CSMD1: variants seen among roughly 807,000 people sequenced by gnomAD.
The protein encoded by CSMD1 is CUB and sushi domain-containing protein 1.
CSMD1 carries 213 observed loss-of-function variants against 417.5 expected under a neutral mutation model. The ratio of observed to expected loss-of-function variants is 0.51; its 90% CI spans 0.46 to 0.57. The LOEUF is 0.57. Among genes scored for constraint, CSMD1 ranks in the 20% least tolerant of loss-of-function variants. The pLI is 0.00. For synonymous variants in CSMD1, 2,862 were observed against 1,736.8 expected (o/e 1.65, Z -16.11); for missense variants, 6,923 against 4,529.7 (o/e 1.53, Z -15.17).
intron 5 of CSMD1, among the ~76,000 whole-genome samples, chr8:3,939,067 C>A (rs560543212): frequency 6.6e-6 from 1 of 151,984 alleles, no homozygotes; most frequent in African/African-American, 2.4e-5. Context: ...AACAGTCTGA[C>A]AGAATAAATA....
chr8:4,327,448 C>T (rs1039428961), intron 3 of CSMD1, among the ~76,000 whole-genome samples: 4 of 152,138 alleles, frequency 2.6e-5, no homozygotes, highest in Non-Finnish European at 5.9e-5. Flanking sequence ...TTGTTTGCAG[C>T]CTCCAGGTTG....
chr8:3,339,019 T>C (rs1807467426), intron 23 of CSMD1, among the ~76,000 whole-genome samples: 1 of 127,666 alleles, frequency 7.8e-6, no homozygotes, highest in South Asian at 2.5e-4. Flanking sequence ...CTGAGTGTGA[T>C]ATTCCCCTTC....
At chr8:3,305,543 C>T (rs894764613) in intron 25 of CSMD1, among the ~76,000 whole-genome samples, 1 of 151,006 alleles carries the variant, frequency 6.6e-6, no homozygotes, top group African/African-American at 2.4e-5. Context: ...AGCTTGGCCC[C>T]ATTTCCTCTC....
At chr8:4,153,695 A>C (rs1449460610) in intron 3 of CSMD1, among the ~76,000 whole-genome samples, 4 of 152,164 alleles carry the variant, frequency 2.6e-5, no homozygotes, top group Non-Finnish European at 5.9e-5. Flanking sequence ...GCTTCCATCA[A>C]TCCGGCAGTC....
intron 45 of CSMD1, chr8:3,107,189 C>T (rs1165775988): frequency 1.9e-5 from 3 of 154,768 alleles, no homozygotes; most frequent in Admixed American, 6.5e-5. Context: ...ACTGCTTTCT[C>T]AGTATGACCA....
At chr8:3,696,913 C>A (rs181181132) in intron 7 of CSMD1, among the ~76,000 whole-genome samples, 1 of 152,122 alleles carries the variant, frequency 6.6e-6, no homozygotes, top group South Asian at 2.1e-4. Context: ...AAAGAGAACA[C>A]TTTATCAGTC....
intron 5 of CSMD1, among the ~76,000 whole-genome samples, chr8:3,772,562 T>TATATATAC (rs1798666932): frequency 8.9e-6 from 1 of 112,466 alleles, no homozygotes. Context: ...CATATATACA[T>TATATATAC]ATATATACAT....
intron 1 of CSMD1, among the ~76,000 whole-genome samples, chr8:4,877,426 T>C (rs1467638372): frequency 2.0e-5 from 3 of 152,098 alleles, no homozygotes; most frequent in African/African-American, 2.4e-5. Context: ...ATATCAATTA[T>C]GTATTTCTGT....
chr8:3,149,714 G>C (rs990949711), intron 40 of CSMD1, among the ~76,000 whole-genome samples: 1 of 152,060 alleles, frequency 6.6e-6, no homozygotes, highest in East Asian at 1.9e-4. Context: ...CTGACCTTGC[G>C]ATCCACCGGC....
At chr8:4,704,226 G>A (rs557456945) in intron 1 of CSMD1, among the ~76,000 whole-genome samples, 2 of 152,186 alleles carry the variant, frequency 1.3e-5, no homozygotes, top group Non-Finnish European at 2.9e-5. Context: ...TGTCATTTAA[G>A]TCATTTGCAT....
intron 3 of CSMD1, among the ~76,000 whole-genome samples, chr8:4,127,228 G>A (rs1238314690): frequency 6.6e-6 from 1 of 151,882 alleles, no homozygotes. Flanking sequence ...TCAAACCCAT[G>A]GCCTTACGGA....
At chr8:3,732,721 C>A (rs766071830) in intron 6 of CSMD1, among the ~76,000 whole-genome samples, 2 of 152,096 alleles carry the variant, frequency 1.3e-5, no homozygotes, top group South Asian at 2.1e-4. Context: ...CCCAGATGAA[C>A]TGAACCTTCA....
At position 4,818,066 on chromosome 8, in the gene CSMD1, C is replaced by T. The variant is rs111734915; in HGVS notation, c.85+176266G>A. Reference sequence around the variant, plus strand: ...TTTTTATATATGAATTGCAAGGTAACCAACTCAGGAGGATGCATTGAACTG... The same window carrying T: ...TTTTTATATATGAATTGCAAGGTAATCAACTCAGGAGGATGCATTGAACTG... On this transcript the variant is annotated intron_variant, in intron 1 of 69. Coordinates refer to ENST00000635120, the MANE Select transcript of CSMD1 (RefSeq NM_033225.6). Among the ~76,000 whole-genome samples, 1,076 of 152,190 alleles carry T rather than the reference C, an allele frequency of 7.1e-3. 9 individuals carry two copies. Among genetic ancestry groups the T allele is most frequent in the African/African-American group, 0.025 (1,046 of 41,524 alleles).
At chr8:4,198,167 A>T (rs897491249) in intron 3 of CSMD1, among the ~76,000 whole-genome samples, 1 of 152,228 alleles carries the variant, frequency 6.6e-6, no homozygotes, top group Non-Finnish European at 1.5e-5. Context: ...GTCCCGAAGC[A>T]TGATCAGGGG....
At chr8:2,961,096 T>C in intron 62 of CSMD1, 45 bp downstream of exon 62, 1 of 1,282,718 alleles carries the variant, frequency 7.8e-7, no homozygotes, top group Non-Finnish European at 1.1e-6. Flanking sequence ...ACAAATATAT[T>C]TTATATTTCC....
At chr8:3,505,560 G>A (rs1336816001) in intron 10 of CSMD1, among the ~76,000 whole-genome samples, 1 of 152,154 alleles carries the variant, frequency 6.6e-6, no homozygotes, top group Non-Finnish European at 1.5e-5. Context: ...TCACCTCACA[G>A]AATTCACACT....
At chr8:4,450,005 T>G (rs1278603183) in intron 2 of CSMD1, among the ~76,000 whole-genome samples, 3 of 152,208 alleles carry the variant, frequency 2.0e-5, no homozygotes, top group Non-Finnish European at 4.4e-5. Context: ...TAGCCATCTC[T>G]CCTGCTATGG....
In CSMD1 at chr8:3,519,386, G is replaced by C. The variant is rs188819661; in HGVS notation, c.1345-25660C>G. On this transcript the variant is annotated intron_variant, in intron 10 of 69. Coordinates refer to ENST00000635120, the MANE Select transcript of CSMD1 (RefSeq NM_033225.6). ...TCTTGAAAGGGTTTCTATGGATTAT[G>C]CATATCAATTCACTAGTCTGGTAAT... Among the ~76,000 whole-genome samples the C allele has an allele frequency of 3.2e-3, 482 of 152,246 alleles. 5 individuals carry two copies. The highest frequency in any genetic ancestry group is 0.011 in the African/African-American group (459 of 41,534).
chr8:3,629,200 C>T (rs1460419205), intron 7 of CSMD1, among the ~76,000 whole-genome samples: 1 of 152,090 alleles, frequency 6.6e-6, no homozygotes, highest in Non-Finnish European at 1.5e-5. Context: ...AGGGGAACAG[C>T]TTCAACTGAG....
Sources: allele counts gnomAD v4.1 joint callset (sites outside exome capture counted in the v4.1 genomes callset), GRCh38; gene constraint gnomAD v4.1.1; transcripts MANE v1.5; gene names NCBI Gene and HGNC (gene_info 2026-07-23, HGNC 2026-07-21).